The following MTHFD1L variants were observed in gnomAD, a reference collection of about 807,000 sequenced individuals.
MTHFD1L encodes the protein monofunctional C1-tetrahydrofolate synthase, mitochondrial.
Under a neutral mutation model 119.5 loss-of-function variants are expected in MTHFD1L, and 81 were observed. The observed-to-expected ratio is 0.68, with a 90% CI of 0.57 to 0.82. The LOEUF (loss-of-function observed/expected upper bound fraction) is 0.82, where lower values mean the gene tolerates loss of function less well. Among genes scored for constraint, MTHFD1L ranks in the 40% least tolerant of loss-of-function variants. The probability of loss-of-function intolerance (pLI) is 0.00; values close to 1 mark genes in which losing one functional copy is unlikely to be tolerated. For missense variants in MTHFD1L, 1,125 were observed against 1,253.4 expected, an observed-to-expected ratio of 0.90 and a Z score of 1.55; for synonymous variants, 430 against 475.2, an observed-to-expected ratio of 0.90 and a Z score of 1.24.
At chr6:151,014,837 A>G (rs2128490233) in intron 22 of MTHFD1L, 43 bp from the exon 23 acceptor site, 1 of 1,519,650 alleles carries the variant, frequency 6.6e-7, no homozygotes, top group Non-Finnish European at 9.1e-7. Context: ...TTGGTGGGAG[A>G]CAATACACAG....
intron 24 of MTHFD1L, among the ~76,000 whole-genome samples, chr6:151,030,112 T>C (rs1275248827): frequency 6.6e-6 from 1 of 152,228 alleles, no homozygotes; most frequent in Non-Finnish European, 1.5e-5. Flanking sequence ...GCTTGCGTTT[T>C]ACACTGACTC....
At chr6:150,936,987 G>C (rs1441495685) in intron 12 of MTHFD1L, 47 bp downstream of exon 12, 1 of 1,597,310 alleles carries the variant, frequency 6.3e-7, no homozygotes, top group Non-Finnish European at 8.6e-7. Flanking sequence ...AAGTTGGGGG[G>C]AGAGAATTGT....
chr6:151,005,650 T>A (rs934236565), intron 20 of MTHFD1L, among the ~76,000 whole-genome samples: 3 of 152,144 alleles, frequency 2.0e-5, no homozygotes, highest in African/African-American at 7.2e-5. Flanking sequence ...GGCGGGTGCC[T>A]GTGATCCCAG....
intron 26 of MTHFD1L, among the ~76,000 whole-genome samples, chr6:151,077,895 C>T (rs1395115908): frequency 2.0e-5 from 3 of 150,842 alleles, no homozygotes; most frequent in African/African-American, 7.3e-5. Flanking sequence ...ACTAAAAATA[C>T]AAAAAATTAG....
At position 150,865,933 on chromosome 6, in the gene MTHFD1L, A is replaced by AGGCGGCGGCGGT. The variant is rs1045554465; in HGVS notation, c.115_126dup (p.Gly39_Gly42dup). 8.3e-7 allele frequency: 1 copy of AGGCGGCGGCGGT among 1,205,834 alleles called. No individual in the cohort carries two copies. Among genetic ancestry groups the AGGCGGCGGCGGT allele is most frequent in the African/African-American group, 1.6e-5 (1 of 62,290 alleles). 74.7% of individuals were successfully genotyped at this position (1,205,834 alleles called of 1,614,324 possible). On this transcript the variant is annotated inframe_insertion, in exon 1 of 28. Transcript: ENST00000367321. ...GTCGCGCTAGCAGCGGCGGCGGCGG[A>AGGCGGCGGCGGT]GGCGGCGGCGGTGGCCGGGAGGGCC... is the stretch of plus-strand genomic sequence containing the variant.
intron 3 of MTHFD1L, 30 bp downstream of exon 3, chr6:150,877,714 T>G (rs1462395861): frequency 8.7e-6 from 14 of 1,614,104 alleles, no homozygotes; most frequent in Admixed American, 1.7e-5. Context: ...AAAAATTCAC[T>G]ATAACTTTTA....
At chr6:151,011,787 G>A (rs1447633272) in intron 21 of MTHFD1L, among the ~76,000 whole-genome samples, 2 of 151,980 alleles carry the variant, frequency 1.3e-5, no homozygotes, top group African/African-American at 4.8e-5. Flanking sequence ...GACCAGCCAG[G>A]CGTGGTGGCT....
intron 26 of MTHFD1L, among the ~76,000 whole-genome samples, chr6:151,074,497 T>C (rs572419686): frequency 8.5e-5 from 13 of 152,312 alleles, no homozygotes; most frequent in African/African-American, 2.6e-4. Flanking sequence ...CATGCTTTTG[T>C]AAAATTCTTA....
At chr6:151,092,695 T>G (rs1033009670) in intron 27 of MTHFD1L, 108 bp downstream of exon 27, 1 of 643,952 alleles carries the variant, frequency 1.6e-6, no homozygotes. Flanking sequence ...ATAAATCCTT[T>G]CCTTCCTTTG....
chr6:151,084,301 C>T (rs1218877753), intron 26 of MTHFD1L, among the ~76,000 whole-genome samples: 1 of 152,198 alleles, frequency 6.6e-6, no homozygotes. Context: ...GTCAGCAAGC[C>T]TGAGAATGAC....
At chr6:151,018,458 C>T (rs1783469862) in intron 24 of MTHFD1L, among the ~76,000 whole-genome samples, 1 of 152,182 alleles carries the variant, frequency 6.6e-6, no homozygotes, top group African/African-American at 2.4e-5. Context: ...ACATGTTCAC[C>T]TCTTTGGTCC....
rs1789051275 is a variant in MTHFD1L, at chr6:150,922,102, AATCTTGTTTTGTAACATCC to A, written c.985-101_985-83del. The A allele has an allele frequency of 1.9e-4, 160 of 822,516 alleles. 1 individual carries two copies. In the South Asian group the frequency reaches 2.6e-3, roughly 13 times the overall value. 51.0% of individuals were successfully genotyped at this position (822,516 alleles called of 1,614,324 possible). On this transcript the variant is annotated intron_variant, in intron 9 of 27. Coordinates refer to ENST00000367321, the MANE Select transcript of MTHFD1L (RefSeq NM_015440.5). ...CTCCTGGCTTATTGTGCGACTCGAT[AATCTTGTTTTGTAACATCC>A]ACAAACAATATTTCCATGGTTTAAG...
intron 15 of MTHFD1L, among the ~76,000 whole-genome samples, chr6:150,947,355 A>T (rs1168873145): frequency 6.6e-6 from 1 of 151,344 alleles, no homozygotes; most frequent in Non-Finnish European, 1.5e-5. Context: ...TCAGCCTCCC[A>T]AAGTGCTGGG....
chr6:150,899,997 TTTATA>T (rs888671553), intron 7 of MTHFD1L, among the ~76,000 whole-genome samples: 15 of 147,884 alleles, frequency 1.0e-4, no homozygotes, highest in South Asian at 2.1e-4. Flanking sequence ...ATATATATTT[TTTATA>T]TTATATTATA....
At chr6:150,998,181 A>G (rs1399288907) in intron 20 of MTHFD1L, among the ~76,000 whole-genome samples, 3 of 152,100 alleles carry the variant, frequency 2.0e-5, no homozygotes, top group Non-Finnish European at 4.4e-5. Flanking sequence ...GCTGGTTGAA[A>G]TTCTGTAAAT....
intron 27 of MTHFD1L, chr6:151,099,469 C>A (rs1003344366): frequency 2.4e-5 from 25 of 1,063,454 alleles, no homozygotes; most frequent in Non-Finnish European, 3.0e-5. Context: ...TTTTTTTTGC[C>A]CTTCTCTCTT....
At chr6:151,002,621 G>A (rs1780774145) in intron 20 of MTHFD1L, among the ~76,000 whole-genome samples, 2 of 152,288 alleles carry the variant, frequency 1.3e-5, no homozygotes, top group Admixed American at 1.3e-4. Flanking sequence ...GAGAGTGCTG[G>A]GTTGTAGCGA....
At chr6:151,029,120 C>CT (rs1291500673) in intron 24 of MTHFD1L, among the ~76,000 whole-genome samples, 1 of 151,884 alleles carries the variant, frequency 6.6e-6, no homozygotes, top group Admixed American at 6.6e-5. Flanking sequence ...AATTAAAGTT[C>CT]TTAAAAATAT....
chr6:150,888,954 C>G (rs1351981612), intron 7 of MTHFD1L, among the ~76,000 whole-genome samples: 1 of 152,168 alleles, frequency 6.6e-6, no homozygotes, highest in Non-Finnish European at 1.5e-5. Context: ...GCGGGCAAAT[C>G]ACTTGAGCTC....
Sources: gnomAD v4.1 joint callset for allele counts (sites outside exome capture counted in the v4.1 genomes callset) on GRCh38, gnomAD v4.1.1 for gene constraint, MANE v1.5 for transcripts, NCBI Gene and HGNC (gene_info 2026-07-23, HGNC 2026-07-21) for gene names.